INTS12: variants seen among roughly 807,000 people sequenced by gnomAD.
INTS12 encodes the protein integrator complex subunit 12, also known as PHD finger protein 22.
A neutral mutation model predicts 41.6 loss-of-function variants in INTS12; 13 were observed. The observed-to-expected ratio is 0.31, with a 90% CI of 0.20 to 0.50. The LOEUF (loss-of-function observed/expected upper bound fraction) is 0.50, where lower values mean the gene tolerates loss of function less well. Ranked by LOEUF, INTS12 falls within the 20% of genes least tolerant of loss-of-function variation. The pLI is 0.98. For missense variants in INTS12, 432 were observed against 541.6 expected, an observed-to-expected ratio of 0.80 and a Z score of 2.01; for synonymous variants, 199 against 191.4, an observed-to-expected ratio of 1.04 and a Z score of -0.33.
intron 6 of INTS12, among the ~76,000 whole-genome samples, chr4:105,690,871 T>C (rs1008184308): frequency 3.3e-5 from 5 of 152,200 alleles, no homozygotes; most frequent in Admixed American, 6.5e-5. Context: ...CTGGAATGCA[T>C]TGCTCATCTG....
chr4:105,707,878 T>C (rs1399234210), intron 1 of INTS12: 2 of 775,290 alleles, frequency 2.6e-6, no homozygotes, highest in Admixed American at 6.2e-5. Flanking sequence ...CATATATAAA[T>C]ATAAGTATGT....
chr4:105,691,980 C>T lies in INTS12; in HGVS notation c.653G>A (p.Arg218Lys), dbSNP rs1465812932. The change falls in exon 6 of 8, where the codon AGA (arginine) becomes AAA (lysine). Residue 218 changes from arginine (R) to lysine (K), a missense_variant. Transcript: ENST00000340139. ...AAAGAAAAATATGATTCCTACCATT[C>T]TTTTCATTTGTCTGGTACATCGGGC... ...YCARCTRQMKRMAQKTQKPPQ... is the reference protein window; with the variant it reads ...YCARCTRQMKKMAQKTQKPPQ... The T allele has an allele frequency of 2.0e-6, 3 of 1,531,638 alleles. No individual in the cohort carries two copies. In the East Asian group the frequency reaches 7.2e-5, roughly 37 times the overall value. The allele number at this position is 1,531,638 out of a possible 1,614,324, so 94.9% of individuals were successfully genotyped here. A position where few individuals can be genotyped will look rare whatever the true frequency, so the allele number is the denominator to read the frequency against.
chr4:105,707,922 G>T, intron 1 of INTS12: 2 of 979,810 alleles, frequency 2.0e-6, no homozygotes, highest in Non-Finnish European at 1.2e-6. Context: ...ACCCTACCTG[G>T]CAATCTCAAA....
chr4:105,688,948 G>A (rs937633893), intron 6 of INTS12, among the ~76,000 whole-genome samples: 3 of 152,164 alleles, frequency 2.0e-5, no homozygotes, highest in African/African-American at 7.2e-5. Flanking sequence ...GTTCAACAAA[G>A]GTACTAAAAT....
rs1329276141 is a variant in INTS12 at position 105,693,457 on chromosome 4, A to G, written c.339T>C (p.Asp113=). 6.2e-7 allele frequency: 1 copy of G among 1,613,278 alleles called. No individual in the cohort carries two copies. Among genetic ancestry groups the G allele is most frequent in the Non-Finnish European group, 8.5e-7 (1 of 1,179,472 alleles). Residue 113 remains aspartate (D), a synonymous_variant, in exon 5 of 8, where the codon GAT becomes GAC. Coordinates refer to ENST00000340139, the MANE Select transcript of INTS12 (RefSeq NM_020395.4). ...TCTCCAATCTAGGTTTCTTTGGAATATCAACTCCTTCAGTGATGTCTGATT... is the reference window on the plus strand; with the variant it reads ...TCTCCAATCTAGGTTTCTTTGGAATGTCAACTCCTTCAGTGATGTCTGATT... ...KMKSDITEGV[D]IPKKPRLEKP... is the part of the protein sequence containing the mutation.
chr4:105,686,585 A>G, intron 7 of INTS12, 107 bp downstream of exon 7: 1 of 732,468 alleles, frequency 1.4e-6, no homozygotes, highest in South Asian at 1.9e-5. Context: ...TCTAAAATAT[A>G]GCCATTTAGT....
chr4:105,700,847 GT>G (rs1732046132), intron 2 of INTS12, among the ~76,000 whole-genome samples: 3 of 151,846 alleles, frequency 2.0e-5, no homozygotes, highest in African/African-American at 7.3e-5. Flanking sequence ...AAAAAGTTTT[GT>G]TTTTAGTTAA....
At chr4:105,696,948 T>TGA (rs1731888806) in intron 3 of INTS12, among the ~76,000 whole-genome samples, 1 of 152,240 alleles carries the variant, frequency 6.6e-6, no homozygotes, top group African/African-American at 2.4e-5. Context: ...CAGTAACTAA[T>TGA]GATGTTGAGC....
At chr4:105,702,368 C>T (rs1163624223) in intron 2 of INTS12, among the ~76,000 whole-genome samples, 1 of 152,006 alleles carries the variant, frequency 6.6e-6, no homozygotes. Flanking sequence ...GATCTCCTGA[C>T]CTTGTGATCC....
At chr4:105,687,118 A>C (rs1186672490) in intron 6 of INTS12, 2 of 355,032 alleles carry the variant, frequency 5.6e-6, no homozygotes. Flanking sequence ...ATTGTTTTTT[A>C]AAGAGCAAAA....
chr4:105,703,099 A>C, intron 2 of INTS12: 4 of 834,274 alleles, frequency 4.8e-6, no homozygotes, highest in Non-Finnish European at 5.8e-6. Context: ...CTGTATATTC[A>C]TTCCTAAACC....
intron 6 of INTS12, 68 bp downstream of exon 6, chr4:105,691,908 G>T: frequency 3.4e-6 from 4 of 1,163,970 alleles, no homozygotes; most frequent in South Asian, 2.0e-5. Flanking sequence ...TCAAATCTTT[G>T]TTTTGAAAGC....
At chr4:105,708,005 T>C in intron 1 of INTS12, 1 of 985,462 alleles carries the variant, frequency 1.0e-6, no homozygotes, top group Non-Finnish European at 1.2e-6. Context: ...GAGTGCAGTA[T>C]TATCGTTGCC....
intron 7 of INTS12, among the ~76,000 whole-genome samples, chr4:105,685,093 A>G (rs1171911838): frequency 6.6e-6 from 1 of 152,164 alleles, no homozygotes; most frequent in Non-Finnish European, 1.5e-5. Flanking sequence ...GTTTTTAACT[A>G]TAAATATTTT....
chr4:105,694,492 A>AT (rs1378739613), intron 4 of INTS12, among the ~76,000 whole-genome samples: 1 of 151,920 alleles, frequency 6.6e-6, no homozygotes, highest in Non-Finnish European at 1.5e-5. Flanking sequence ...CACCTGGCTA[A>AT]TTTTTGTATT....
In INTS12 at chr4:105,686,797, T is replaced by C; in HGVS notation, c.699A>G (p.Ala233=). 6.2e-7 allele frequency: 1 copy of C among 1,613,908 alleles called. No homozygotes were observed. Among genetic ancestry groups the C allele is most frequent in the Non-Finnish European group, 8.5e-7 (1 of 1,179,886 alleles). The part of the protein sequence containing the change: ...TQKPPQKPAP[A]VVSVTPAVKD... ...TGACAGCTGGAGTTACAGAAACAAC[T>C]GCAGGGGCTGGTTTCTGCGGTGGTT... The change falls in exon 7 of 8, where the codon GCA becomes GCG. Residue 233 remains alanine (A), a synonymous_variant. Transcript: ENST00000340139.
At chr4:105,708,327 A>C (rs1353145040) in intron 1 of INTS12, 6 of 985,482 alleles carry the variant, frequency 6.1e-6, no homozygotes, top group Non-Finnish European at 7.2e-6. Context: ...ATGAGAGACA[A>C]TGAGGGAGCT....
intron 7 of INTS12, among the ~76,000 whole-genome samples, chr4:105,684,326 A>G (rs1199606016): frequency 6.6e-6 from 1 of 152,158 alleles, no homozygotes; most frequent in African/African-American, 2.4e-5. Flanking sequence ...ACTCTTAAGA[A>G]GATTCACAAA....
At chr4:105,702,061 C>T (rs1001629972) in intron 2 of INTS12, among the ~76,000 whole-genome samples, 34 of 151,834 alleles carry the variant, frequency 2.2e-4, no homozygotes, top group African/African-American at 8.0e-4. Flanking sequence ...TAACATGGCC[C>T]TTTGACCCAG....
Sources: allele counts gnomAD v4.1 joint callset (sites outside exome capture counted in the v4.1 genomes callset), GRCh38; gene constraint gnomAD v4.1.1; transcripts MANE v1.5; gene names NCBI Gene and HGNC (gene_info 2026-07-23, HGNC 2026-07-21).